HSF2: variants seen among roughly 807,000 people sequenced by gnomAD.
The protein encoded by HSF2 is heat shock transcription factor 2.
HSF2 carries 21 observed loss-of-function variants against 65.0 expected under a neutral mutation model. That is an observed-to-expected ratio of 0.32 (90% confidence interval 0.23 to 0.47). The LOEUF (loss-of-function observed/expected upper bound fraction) is 0.47. HSF2 is among the 20% of genes least tolerant of loss of function. The probability of loss-of-function intolerance (pLI) is 1.00; values close to 1 mark genes in which losing one functional copy is unlikely to be tolerated. For synonymous variants in HSF2, 225 were observed against 219.1 expected (o/e 1.03, Z -0.24); for missense variants, 499 against 628.1 (o/e 0.79, Z 2.20).
At chr6:122,400,339 T>C (rs1249706254) in intron 1 of HSF2, among the ~76,000 whole-genome samples, 1 of 152,192 alleles carries the variant, frequency 6.6e-6, no homozygotes, top group African/African-American at 2.4e-5. Context: ...CTGGCATCTT[T>C]ATGTGGAGAG....
intron 5 of HSF2, among the ~76,000 whole-genome samples, chr6:122,417,534 G>T (rs1485279260): frequency 6.6e-6 from 1 of 152,048 alleles, no homozygotes; most frequent in Non-Finnish European, 1.5e-5. Flanking sequence ...TATAATGCAT[G>T]ACGACAACCA....
At chr6:122,420,520 A>G (rs558741853) in intron 7 of HSF2, among the ~76,000 whole-genome samples, 10 of 151,712 alleles carry the variant, frequency 6.6e-5, no homozygotes, top group East Asian at 1.9e-4. Flanking sequence ...ATTAGTATCT[A>G]TCATTCTCAT....
rs1157294230 is a variant in HSF2 at position 122,431,810 on chromosome 6, T to C, written c.1316-115T>C. 6.1e-6 allele frequency: 5 copies of C among 822,396 alleles called. No individual in the cohort carries two copies. The African/African-American group carries it at 6.9e-5, about 11-fold the overall frequency. The allele number at this position is 822,396 out of a possible 1,614,324, so 50.9% of individuals were successfully genotyped here. A position where few individuals can be genotyped will look rare whatever the true frequency, so the allele number is the denominator to read the frequency against. Reference sequence around the variant, plus strand: ...CATAGTGCATCATGTCATTTCTTGTTTGGCTATATGAGAGTAGTAATTGCC... The same window carrying C: ...CATAGTGCATCATGTCATTTCTTGTCTGGCTATATGAGAGTAGTAATTGCC... On this transcript the variant is annotated intron_variant, in intron 12 of 12. Transcript: ENST00000368455.
At chr6:122,409,278 T>A (rs1582608101) in intron 1 of HSF2, among the ~76,000 whole-genome samples, 1 of 152,004 alleles carries the variant, frequency 6.6e-6, no homozygotes, top group African/African-American at 2.4e-5. Context: ...AGATTGTTAG[T>A]TGTACCAAAT....
In HSF2 at chr6:122,408,940, C is replaced by T. The variant is rs139776492; in HGVS notation, c.94-3433C>T. Reference sequence around the variant, plus strand: ...GAAGACACAAGAAAAGATTGACTTCCGGGGAAACAGGAAATGGGTTTAGAA... The same window carrying T: ...GAAGACACAAGAAAAGATTGACTTCTGGGGAAACAGGAAATGGGTTTAGAA... On this transcript the variant is annotated intron_variant, in intron 1 of 12. Transcript: ENST00000368455. 3.4e-4 allele frequency among the ~76,000 whole-genome samples: 51 copies of T among 151,126 alleles called. No homozygotes were observed. The East Asian group carries it at 8.4e-3, about 25-fold the overall frequency.
At chr6:122,425,037 C>T (rs1431008440) in intron 10 of HSF2, among the ~76,000 whole-genome samples, 1 of 151,876 alleles carries the variant, frequency 6.6e-6, no homozygotes, top group Non-Finnish European at 1.5e-5. Flanking sequence ...GAAGTAATTC[C>T]TTAAACCAAT....
chr6:122,423,148 G>C (rs1774272930), intron 9 of HSF2, among the ~76,000 whole-genome samples, 191 bp downstream of exon 9: 2 of 152,050 alleles, frequency 1.3e-5, no homozygotes, highest in South Asian at 4.1e-4. Flanking sequence ...GTATTTTCCT[G>C]GTAGTTTCTC....
At chr6:122,418,759 A>G (rs1232477358) in intron 5 of HSF2, among the ~76,000 whole-genome samples, 4 of 152,188 alleles carry the variant, frequency 2.6e-5, no homozygotes, top group Non-Finnish European at 5.9e-5. Context: ...GGCATGAGCC[A>G]CCACGCCTGG....
intron 10 of HSF2, among the ~76,000 whole-genome samples, chr6:122,427,438 G>C (rs1774361882): frequency 6.6e-6 from 1 of 152,016 alleles, no homozygotes; most frequent in African/African-American, 2.4e-5. Context: ...CTGTCAGAGG[G>C]CTTCACTTGA....
At chr6:122,408,816 T>C (rs1226028360) in intron 1 of HSF2, among the ~76,000 whole-genome samples, 1 of 151,796 alleles carries the variant, frequency 6.6e-6, no homozygotes, top group African/African-American at 2.4e-5. Context: ...GTTTCCCCCT[T>C]ACTAGCTGTT....
chr6:122,400,223 A>AGGGGACAGGGAGCCC (rs1466395064), intron 1 of HSF2, among the ~76,000 whole-genome samples: 1 of 152,102 alleles, frequency 6.6e-6, no homozygotes, highest in East Asian at 1.9e-4. Flanking sequence ...CAAATCGCGG[A>AGGGGACAGGGAGCCC]GGGGACAGGG....
intron 4 of HSF2, 45 bp downstream of exon 4, chr6:122,413,694 A>G: frequency 1.4e-6 from 2 of 1,462,104 alleles, no homozygotes; most frequent in Middle Eastern, 1.8e-4. Flanking sequence ...GGAATTGGGT[A>G]TGTGTCTATG....
At chr6:122,423,538 A>G in intron 9 of HSF2, 43 bp from the exon 10 acceptor site, 1 of 1,025,668 alleles carries the variant, frequency 9.7e-7, no homozygotes, top group Middle Eastern at 2.3e-4. Context: ...ACATAAAAAC[A>G]AGGATATCTA....
intron 10 of HSF2, 139 bp downstream of exon 10, chr6:122,423,825 A>G: frequency 2.0e-6 from 1 of 488,190 alleles, no homozygotes; most frequent in South Asian, 3.7e-5. Context: ...TTTGTTTATC[A>G]GAAAGAATGA....
Position 122,420,194 on chromosome 6 carries a change from A to G in HSF2, c.653A>G (p.Lys218Arg), listed in dbSNP as rs1274214043. Residue 218 changes from lysine to arginine, a missense_variant, in exon 7 of 13, where the codon AAA becomes AGA. Physicochemically the swap from Lys to Arg is conservative, Grantham distance 26. Coordinates refer to ENST00000368455, the MANE Select transcript of HSF2 (RefSeq NM_004506.4). ...AAGAACCTGTTTCAGCACATAGTCA[A>G]AGAACCAACTGATAATCATCATCAT... Reference protein sequence around the residue: ...QKKNLFQHIVKEPTDNHHHKV... With the variant: ...QKKNLFQHIVREPTDNHHHKV... The G allele has an allele frequency of 3.7e-6, 6 of 1,604,242 alleles. No individual in the cohort carries two copies. Among genetic ancestry groups the G allele is most frequent in the South Asian group, 2.2e-5 (2 of 90,554 alleles).
intron 7 of HSF2, among the ~76,000 whole-genome samples, chr6:122,420,696 A>ATTT (rs1353831309): frequency 2.0e-4 from 4 of 20,380 alleles, no homozygotes; most frequent in Non-Finnish European, 2.3e-4. Flanking sequence ...TAGTTTATTC[A>ATTT]TTTCTTTTTT....
chr6:122,422,116 A>G (rs369748095), intron 7 of HSF2, 34 bp from the exon 8 acceptor site: 704 of 1,470,184 alleles, frequency 4.8e-4, no homozygotes, highest in Admixed American at 1.1e-3. Context: ...AATGATTTTG[A>G]TTTTTAGATA....
intron 10 of HSF2, among the ~76,000 whole-genome samples, chr6:122,424,456 T>G (rs951593535): frequency 6.6e-6 from 1 of 152,054 alleles, no homozygotes; most frequent in Non-Finnish European, 1.5e-5. Context: ...TCTCTTACCC[T>G]TTTACAAGCC....
chr6:122,431,783 G>C, intron 12 of HSF2, 142 bp from the exon 13 acceptor site: 1 of 667,132 alleles, frequency 1.5e-6, no homozygotes. Flanking sequence ...AAAATTTATT[G>C]ACATAGTGCA....
Sources: allele counts gnomAD v4.1 joint callset (sites outside exome capture counted in the v4.1 genomes callset), GRCh38; gene constraint gnomAD v4.1.1; transcripts MANE v1.5; gene names NCBI Gene and HGNC (gene_info 2026-07-23, HGNC 2026-07-21).